Variants in PELI2 observed in about 807,000 individuals in gnomAD.
PELI2 encodes the protein E3 ubiquitin-protein ligase pellino homolog 2.
Under a neutral mutation model 42.3 loss-of-function variants are expected in PELI2, and 23 were observed. The observed-to-expected ratio is 0.54, with a 90% CI of 0.39 to 0.77. The LOEUF (loss-of-function observed/expected upper bound fraction) is 0.77. Among genes scored for constraint, PELI2 ranks in the 30% least tolerant of loss-of-function variants. PELI2 has a pLI of 0.00. For missense variants in PELI2, 463 were observed against 553.2 expected, an observed-to-expected ratio of 0.84 and a Z score of 1.64; for synonymous variants, 245 against 212.2, an observed-to-expected ratio of 1.15 and a Z score of -1.34.
intron 1 of PELI2, chr14:56,119,705 G>A (rs756024993): frequency 1.2e-5 from 11 of 910,650 alleles, no homozygotes; most frequent in African/African-American, 7.2e-5. Context: ...AAAGGGGAGG[G>A]GGAAGGGGGA....
chr14:56,142,010 A>G (rs1883930396), intron 1 of PELI2, among the ~76,000 whole-genome samples: 1 of 151,970 alleles, frequency 6.6e-6, no homozygotes, highest in Non-Finnish European at 1.5e-5. Flanking sequence ...CCAGCTCTAG[A>G]GAGTTCTTTT....
At chr14:56,194,535 T>C (rs1162725292) in intron 2 of PELI2, among the ~76,000 whole-genome samples, 1 of 152,226 alleles carries the variant, frequency 6.6e-6, no homozygotes, top group Admixed American at 6.5e-5. Context: ...CCACTGATAG[T>C]GTTCCCTTCA....
At chr14:56,183,685 A>G (rs1282172193) in intron 2 of PELI2, among the ~76,000 whole-genome samples, 2 of 152,196 alleles carry the variant, frequency 1.3e-5, no homozygotes, top group Non-Finnish European at 1.5e-5. Flanking sequence ...TCACATAGAA[A>G]TGTTTTAATA....
chr14:56,223,535 A>G (rs911386219), intron 2 of PELI2, among the ~76,000 whole-genome samples: 1 of 152,186 alleles, frequency 6.6e-6, no homozygotes, highest in Admixed American at 6.5e-5. Context: ...AAAGGCCACA[A>G]TTGTGGATTG....
chr14:56,139,419 A>G (rs149696045), intron 1 of PELI2, among the ~76,000 whole-genome samples: 123 of 152,286 alleles, frequency 8.1e-4, no homozygotes, highest in African/African-American at 2.8e-3. Context: ...TTATTTTCTA[A>G]GGAAAGTACC....
At chr14:56,121,372 A>G (rs943876986) in intron 1 of PELI2, among the ~76,000 whole-genome samples, 4 of 152,090 alleles carry the variant, frequency 2.6e-5, no homozygotes, top group Admixed American at 6.6e-5. Flanking sequence ...AAATACTTCT[A>G]TATCTTTTTG....
In PELI2 at chr14:56,288,483, C is replaced by T. The variant is rs772457009; in HGVS notation, c.356C>T (p.Thr119Met). The change falls in exon 4 of 6, where the codon ACG becomes ATG. Residue 119 changes from threonine (T) to methionine (M), a missense_variant. Physicochemically the swap from Thr to Met is moderately conservative, Grantham distance 81. Coordinates refer to ENST00000267460, the MANE Select transcript of PELI2 (RefSeq NM_021255.3). The surrounding 1 kb of genome is among the most constrained non-coding windows in gnomAD (Gnocchi z 4.6). ...ESPIDFVVTD[T>M]ISGSQNTDEA... ...CCTATCGACTTCGTTGTCACAGACACGATTTCTGGCAGCCAGAACACGGAC... is the reference window on the plus strand; with the variant it reads ...CCTATCGACTTCGTTGTCACAGACATGATTTCTGGCAGCCAGAACACGGAC... 1 of 1,614,094 alleles carries T rather than the reference C, an allele frequency of 6.2e-7. No individual in the cohort carries two copies. The highest frequency in any genetic ancestry group is 8.5e-7 in the Non-Finnish European group (1 of 1,179,988).
chr14:56,135,439 A>G (rs1051874298), intron 1 of PELI2, among the ~76,000 whole-genome samples: 1 of 152,230 alleles, frequency 6.6e-6, no homozygotes, highest in African/African-American at 2.4e-5. Flanking sequence ...ATAAAAAATG[A>G]TGCAGAAATT....
chr14:56,144,306 T>C (rs867322589), intron 1 of PELI2, among the ~76,000 whole-genome samples: 4 of 152,212 alleles, frequency 2.6e-5, no homozygotes, highest in Admixed American at 2.0e-4. Context: ...TATGTGATTA[T>C]GGGGCTGGCT....
rs191303691 is a variant in PELI2 at position 56,226,537 on chromosome 14, A to G, written c.207+48073A>G. Reference sequence around the variant, plus strand: ...TCAGACCAAATTTTTAAATAAATGTACAGGTAATTAAGTATCCCTCAAATT... The same window carrying G: ...TCAGACCAAATTTTTAAATAAATGTGCAGGTAATTAAGTATCCCTCAAATT... On this transcript the variant is annotated intron_variant, in intron 2 of 5. Coordinates refer to ENST00000267460, the MANE Select transcript of PELI2 (RefSeq NM_021255.3). Among the ~76,000 whole-genome samples, 95 of 152,338 alleles carry G rather than the reference A, an allele frequency of 6.2e-4. 1 individual carries two copies. The highest frequency in any genetic ancestry group is 2.1e-3 in the African/African-American group (89 of 41,590).
intron 1 of PELI2, chr14:56,145,002 T>G: frequency 4.1e-6 from 4 of 979,104 alleles, no homozygotes; most frequent in Non-Finnish European, 4.9e-6. Flanking sequence ...GACCAAAAGG[T>G]GGGTGTTAGG....
rs1325591479 is a variant in PELI2 at position 56,210,542 on chromosome 14, G to T, written c.207+32078G>T. On this transcript the variant is annotated intron_variant, in intron 2 of 5. Coordinates refer to ENST00000267460, the MANE Select transcript of PELI2 (RefSeq NM_021255.3). ...TTGATGAACTGCAGAAACAAAAATT[G>T]TGGAATTACCAAGTGAACAGGAGTT... 2.0e-5 allele frequency among the ~76,000 whole-genome samples: 3 copies of T among 152,194 alleles called. No individual in the cohort carries two copies. The East Asian group carries it at 5.8e-4, about 29-fold the overall frequency.
chr14:56,217,029 T>C (rs544964996), intron 2 of PELI2, among the ~76,000 whole-genome samples: 17 of 152,034 alleles, frequency 1.1e-4, no homozygotes, highest in Middle Eastern at 3.4e-3. Flanking sequence ...TCACTGTGAG[T>C]GTAGTAGTGT....
chr14:56,218,650 A>G (rs565004820), intron 2 of PELI2, among the ~76,000 whole-genome samples: 22 of 152,210 alleles, frequency 1.4e-4, no homozygotes, highest in African/African-American at 4.3e-4. Flanking sequence ...GTTGCGGGTA[A>G]TGCCTTAAGA....
chr14:56,188,582 G>A (rs1458012579), intron 2 of PELI2, among the ~76,000 whole-genome samples: 3 of 151,942 alleles, frequency 2.0e-5, no homozygotes, highest in Admixed American at 6.6e-5. Flanking sequence ...TTCTATTGTC[G>A]TTTCTAAATT....
At chr14:56,239,804 G>A (rs890645043) in intron 2 of PELI2, among the ~76,000 whole-genome samples, 6 of 152,146 alleles carry the variant, frequency 3.9e-5, no homozygotes, top group African/African-American at 9.7e-5. Context: ...AGGGGGAGTC[G>A]TGGCTGTTGT....
intron 1 of PELI2, among the ~76,000 whole-genome samples, chr14:56,157,098 A>G (rs1269161950): frequency 2.0e-5 from 3 of 152,212 alleles, no homozygotes; most frequent in East Asian, 3.9e-4. Flanking sequence ...CGTGGCGTAC[A>G]TGAAGGGCTT....
chr14:56,260,229 A>G (rs1195439071), intron 2 of PELI2, among the ~76,000 whole-genome samples: 1 of 152,112 alleles, frequency 6.6e-6, no homozygotes, highest in Non-Finnish European at 1.5e-5. Flanking sequence ...CCCCAGCTAT[A>G]TTTGTGAAAG....
intron 1 of PELI2, among the ~76,000 whole-genome samples, chr14:56,150,362 A>G (rs1884300002): frequency 6.6e-6 from 1 of 152,216 alleles, no homozygotes; most frequent in African/African-American, 2.4e-5. Context: ...TATGTATGTT[A>G]ATTGGTCCAA....
Sources: allele counts gnomAD v4.1 joint callset (sites outside exome capture counted in the v4.1 genomes callset), GRCh38; gene constraint gnomAD v4.1.1; non-coding constraint Gnocchi (gnomAD v3.1); transcripts MANE v1.5; gene names NCBI Gene and HGNC (gene_info 2026-07-23, HGNC 2026-07-21).